The following KCNQ5 variants were observed in gnomAD, a reference collection of about 807,000 sequenced individuals.
KCNQ5 encodes the protein potassium voltage-gated channel subfamily Q member 5, also known as potassium voltage-gated channel subfamily KQT member 5.
Under a neutral mutation model 98.2 loss-of-function variants are expected in KCNQ5, and 30 were observed. That is an observed-to-expected ratio of 0.31 (90% CI 0.23 to 0.41). The LOEUF (loss-of-function observed/expected upper bound fraction) is 0.41. KCNQ5 is among the 10% of genes least tolerant of loss of function. The probability of loss-of-function intolerance (pLI) is 1.00; values close to 1 mark genes in which losing one functional copy is unlikely to be tolerated. For synonymous variants in KCNQ5, 458 were observed against 449.4 expected, an observed-to-expected ratio of 1.02 and a Z score of -0.24; for missense variants, 835 against 1,182.5, an observed-to-expected ratio of 0.71 and a Z score of 4.31.
intron 1 of KCNQ5, among the ~76,000 whole-genome samples, chr6:72,859,426 C>T (rs1311103028): frequency 6.4e-5 from 8 of 125,692 alleles, no homozygotes; most frequent in Non-Finnish European, 9.7e-5. Flanking sequence ...CCATATTTTT[C>T]GTATTTTTTT....
intron 1 of KCNQ5, among the ~76,000 whole-genome samples, chr6:72,663,061 C>T (rs1335118575): frequency 1.3e-5 from 2 of 152,080 alleles, no homozygotes; most frequent in African/African-American, 4.8e-5. Flanking sequence ...ACTGCATGTT[C>T]TCTCTTGTAA....
At chr6:72,936,190 A>C (rs965456419) in intron 1 of KCNQ5, among the ~76,000 whole-genome samples, 4 of 152,220 alleles carry the variant, frequency 2.6e-5, no homozygotes, top group African/African-American at 4.8e-5. Flanking sequence ...TCACCCAAAA[A>C]ATCAGAGAAA....
At chr6:72,654,380 G>T (rs62411985) in intron 1 of KCNQ5, among the ~76,000 whole-genome samples, 2,283 of 152,112 alleles carry the variant, frequency 0.015, 20 homozygotes, top group Non-Finnish European at 0.024. Flanking sequence ...TTTTCCAAGA[G>T]ATATTTACTG....
chr6:72,777,444 C>A (rs1187147749), intron 1 of KCNQ5, among the ~76,000 whole-genome samples: 3 of 151,912 alleles, frequency 2.0e-5, no homozygotes, highest in African/African-American at 2.4e-5. Context: ...AGGTGTTGGC[C>A]GAGGAGTCTT....
At chr6:72,739,974 G>A (rs183097348) in intron 1 of KCNQ5, among the ~76,000 whole-genome samples, 16 of 152,212 alleles carry the variant, frequency 1.1e-4, no homozygotes, top group South Asian at 2.1e-4. Context: ...ACAGATTCTC[G>A]AGGTCAGGAC....
chr6:72,854,240 G>A (rs888412911), intron 1 of KCNQ5, among the ~76,000 whole-genome samples: 5 of 149,450 alleles, frequency 3.3e-5, no homozygotes, highest in Non-Finnish European at 7.4e-5. Context: ...CATTAGAAAA[G>A]GGGGGAAATA....
At chr6:72,706,478 A>T (rs1346058641) in intron 1 of KCNQ5, among the ~76,000 whole-genome samples, 1 of 152,042 alleles carries the variant, frequency 6.6e-6, no homozygotes, top group African/African-American at 2.4e-5. Context: ...GAATAATCTG[A>T]GTCCATATGT....
intron 1 of KCNQ5, among the ~76,000 whole-genome samples, chr6:72,953,519 A>G (rs1188636163): frequency 6.6e-6 from 1 of 152,228 alleles, no homozygotes; most frequent in Non-Finnish European, 1.5e-5. Context: ...AATCCAATGA[A>G]TCATACTAAC....
In KCNQ5 at chr6:72,814,385, C is replaced by T. The variant is rs542312521; in HGVS notation, c.399-189523C>T. Among the ~76,000 whole-genome samples the T allele has an allele frequency of 7.6e-4, 115 of 152,304 alleles. 1 individual carries two copies. The South Asian group carries it at 0.023, about 30-fold the overall frequency. The stretch of plus-strand genomic sequence containing the variant: ...GAGATTACTCAAGCTCAACAAGCAC[C>T]TGTTTCTTCATCTGTAAAATGAGGG... On this transcript the variant is annotated intron_variant, in intron 1 of 13. Transcript: ENST00000370398.
At chr6:72,987,421 A>G in intron 1 of KCNQ5, 1 of 694,428 alleles carries the variant, frequency 1.4e-6, no homozygotes, top group Admixed American at 1.8e-5. Flanking sequence ...ACGGGAACCT[A>G]GTTTGGCCAG....
chr6:73,107,904 G>A (rs543475000), intron 6 of KCNQ5, among the ~76,000 whole-genome samples: 68 of 152,162 alleles, frequency 4.5e-4, no homozygotes, highest in African/African-American at 1.3e-3. Context: ...AGACTGAATG[G>A]TCCATATATA....
chr6:73,010,706 A>G (rs918286165), intron 2 of KCNQ5, among the ~76,000 whole-genome samples: 3 of 151,916 alleles, frequency 2.0e-5, no homozygotes, highest in African/African-American at 4.8e-5. Flanking sequence ...TGCAAAGTCA[A>G]TATACAAAAA....
intron 1 of KCNQ5, among the ~76,000 whole-genome samples, chr6:72,671,842 A>T (rs904593952): frequency 2.6e-5 from 4 of 151,844 alleles, no homozygotes; most frequent in African/African-American, 9.7e-5. Context: ...TTTGAGATGG[A>T]GTCTCGCTCT....
intron 1 of KCNQ5, chr6:72,676,971 G>A (rs1767445683): frequency 6.6e-6 from 1 of 151,778 alleles, no homozygotes; most frequent in African/African-American, 2.4e-5. Context: ...TTTGATTTGG[G>A]GTATATGTAT....
chr6:73,160,441 T>C (rs564955931), intron 10 of KCNQ5, among the ~76,000 whole-genome samples: 3 of 152,232 alleles, frequency 2.0e-5, no homozygotes, highest in Non-Finnish European at 2.9e-5. Context: ...AGGGGGTTTT[T>C]TGATGGCTGC....
At chr6:72,659,608 T>C (rs1284182822) in intron 1 of KCNQ5, among the ~76,000 whole-genome samples, 2 of 152,202 alleles carry the variant, frequency 1.3e-5, no homozygotes, top group African/African-American at 2.4e-5. Context: ...GAACTAATGC[T>C]GTGTCCTCAC....
chr6:72,806,234 T>C (rs1228365862), intron 1 of KCNQ5, among the ~76,000 whole-genome samples: 5 of 152,142 alleles, frequency 3.3e-5, no homozygotes. Context: ...TAACGATATA[T>C]ATAATCATAG....
At chr6:72,892,127 A>T (rs2150183621) in intron 1 of KCNQ5, among the ~76,000 whole-genome samples, 1 of 152,272 alleles carries the variant, frequency 6.6e-6, no homozygotes, top group Non-Finnish European at 1.5e-5. Context: ...CTCTCCCCTC[A>T]AAAAGGAAAA....
At chr6:72,840,219 T>C (rs1191670736) in intron 1 of KCNQ5, among the ~76,000 whole-genome samples, 1 of 152,218 alleles carries the variant, frequency 6.6e-6, no homozygotes, top group Non-Finnish European at 1.5e-5. Context: ...GCAGTGAACA[T>C]AGGAGTGCAG....
Sources: allele counts gnomAD v4.1 joint callset (sites outside exome capture counted in the v4.1 genomes callset), GRCh38; gene constraint gnomAD v4.1.1; transcripts MANE v1.5; gene names NCBI Gene and HGNC (gene_info 2026-07-23, HGNC 2026-07-21).